Variants in RNPEP observed in about 807,000 individuals in gnomAD.
RNPEP encodes arginyl aminopeptidase, also known as aminopeptidase B.
RNPEP carries 57 observed loss-of-function variants against 70.1 expected under a neutral mutation model. That is an observed-to-expected ratio of 0.81 (90% CI 0.66 to 1.01). The LOEUF is 1.01. RNPEP is among the 50% of genes least tolerant of loss of function. The pLI, the probability that RNPEP is intolerant of heterozygous loss-of-function variation, is 0.00. For synonymous variants in RNPEP, 335 were observed against 357.4 expected (o/e 0.94, Z 0.71); for missense variants, 787 against 852.4 (o/e 0.92, Z 0.96).
intron 3 of RNPEP, among the ~76,000 whole-genome samples, chr1:201,994,515 A>G (rs887865995): frequency 2.0e-5 from 3 of 152,028 alleles, no homozygotes; most frequent in Non-Finnish European, 2.9e-5. Context: ...GCAGTGTTCC[A>G]TGGCTACGTC....
intron 3 of RNPEP, among the ~76,000 whole-genome samples, chr1:201,992,379 G>C (rs888741498): frequency 6.6e-6 from 1 of 152,096 alleles, no homozygotes; most frequent in Non-Finnish European, 1.5e-5. Context: ...CACTCTGTCA[G>C]CCACCCATAT....
intron 5 of RNPEP, among the ~76,000 whole-genome samples, chr1:201,997,999 G>A (rs1366727162): frequency 6.6e-6 from 1 of 152,086 alleles, no homozygotes; most frequent in Non-Finnish European, 1.5e-5. Context: ...ATGACCTCAG[G>A]TGATCCAACC....
intron 5 of RNPEP, 69 bp from the exon 6 acceptor site, chr1:201,999,833 C>T: frequency 8.1e-7 from 1 of 1,237,950 alleles, no homozygotes; most frequent in South Asian, 1.3e-5. Context: ...CACAGTGTCT[C>T]TGTCAGGAAA....
intron 6 of RNPEP, chr1:202,000,283 G>A: frequency 3.0e-6 from 1 of 338,848 alleles, no homozygotes; most frequent in Non-Finnish European, 5.5e-6. Context: ...GTTTTACCAG[G>A]CTCTTTCGCA....
Position 201,996,276 on chromosome 1 carries a change from A to G in RNPEP, c.854+13A>G, listed in dbSNP as rs749618834. The stretch of plus-strand genomic sequence containing the variant: ...ATGTTTGGGGAAGGTGTGGTATCAC[A>G]TTGACTCTAGTGTCTCCTGTTAAAC... On this transcript the variant is annotated intron_variant, in intron 4 of 10. Transcript: ENST00000295640. The G allele has an allele frequency of 6.5e-7, 1 of 1,542,110 alleles. No individual in the cohort carries two copies. Among genetic ancestry groups the G allele is most frequent in the East Asian group, 2.2e-5 (1 of 44,528 alleles).
At chr1:201,983,696 G>A in intron 1 of RNPEP, 1 of 1,169,880 alleles carries the variant, frequency 8.5e-7, no homozygotes, top group Non-Finnish European at 1.1e-6. Context: ...GTAAAAGTGA[G>A]AACTGGAATT....
chr1:201,988,803 A>G, intron 1 of RNPEP, 101 bp from the exon 2 acceptor site: 2 of 1,413,852 alleles, frequency 1.4e-6, no homozygotes, highest in Non-Finnish European at 1.9e-6. Context: ...AAAGGTTTTA[A>G]GGATTACCTA....
rs1558257963 is a variant in RNPEP at position 201,984,821 on chromosome 1, C to CTTTTTTCTTTTTCTT, written c.447+1714_447+1715insCTTTTTCTTTTTTTT. On this transcript the variant is annotated intron_variant, in intron 1 of 10. Coordinates refer to ENST00000295640, the MANE Select transcript of RNPEP (RefSeq NM_020216.4). ...TTACTGCTAACTTTTGTATTTCTTT[C>CTTTTTTCTTTTTCTT]TTTTTTTTTTTTTTTTTTTTTTTTT... 1.4e-4 allele frequency among the ~76,000 whole-genome samples: 17 copies of CTTTTTTCTTTTTCTT among 122,046 alleles called. 3 individuals carry two copies. Among genetic ancestry groups the CTTTTTTCTTTTTCTT allele is most frequent in the African/African-American group, 4.8e-4 (15 of 30,984 alleles). 80.1% of individuals were successfully genotyped at this position (122,046 alleles called of 152,430 possible). A position where few individuals can be genotyped will look rare whatever the true frequency, so the allele number is the denominator to read the frequency against.
At chr1:201,998,621 A>G (rs1683660396) in intron 5 of RNPEP, among the ~76,000 whole-genome samples, 3 of 152,176 alleles carry the variant, frequency 2.0e-5, no homozygotes, top group Admixed American at 2.0e-4. Context: ...CAAATTCTGT[A>G]CTTTCATTCA....
chr1:201,994,885 G>T (rs1349154682), intron 3 of RNPEP, among the ~76,000 whole-genome samples: 5 of 132,768 alleles, frequency 3.8e-5, no homozygotes, highest in Non-Finnish European at 7.7e-5. Context: ...TCACCATGTT[G>T]GTCAGGCTGG....
chr1:201,989,049 G>C lies in RNPEP; in HGVS notation c.588+5G>C, dbSNP rs748821361. On this transcript the variant is annotated splice_donor_5th_base_variant and intron_variant, in intron 2 of 10. Coordinates refer to ENST00000295640, the MANE Select transcript of RNPEP (RefSeq NM_020216.4). Reference sequence around the variant, plus strand: ...AAGTATTCAGCTCTTATTGAGGTAAGGAGACTAAGGTTAGGTGCACCTGCC... The same window carrying C: ...AAGTATTCAGCTCTTATTGAGGTAACGAGACTAAGGTTAGGTGCACCTGCC... The C allele has an allele frequency of 1.2e-6, 2 of 1,612,696 alleles. No individual in the cohort carries two copies. The highest frequency in any genetic ancestry group is 3.4e-5 in the Admixed American group (2 of 59,694).
chr1:202,004,782 G>A (rs548382756), intron 10 of RNPEP, among the ~76,000 whole-genome samples: 1 of 152,368 alleles, frequency 6.6e-6, no homozygotes, highest in Non-Finnish European at 1.5e-5. Flanking sequence ...GAAAGAGGGT[G>A]ACAGTGTCAT....
chr1:201,992,595 A>C (rs1683381508), intron 3 of RNPEP, among the ~76,000 whole-genome samples: 1 of 151,358 alleles, frequency 6.6e-6, no homozygotes, highest in East Asian at 1.9e-4. Context: ...CAAGCCACTC[A>C]TTTCTCCTGG....
intron 1 of RNPEP, among the ~76,000 whole-genome samples, chr1:201,985,723 A>C (rs1683110379): frequency 6.6e-6 from 1 of 152,230 alleles, no homozygotes; most frequent in Non-Finnish European, 1.5e-5. Context: ...ATTTTACATT[A>C]GTATAATAAT....
chr1:201,988,469 A>AC (rs1330987874), intron 1 of RNPEP, among the ~76,000 whole-genome samples: 1 of 151,266 alleles, frequency 6.6e-6, no homozygotes, highest in Non-Finnish European at 1.5e-5. Context: ...AAAAAAAAAA[A>AC]AAAAAAAAAA....
At chr1:201,992,274 C>T (rs1683365084) in intron 3 of RNPEP, among the ~76,000 whole-genome samples, 1 of 152,028 alleles carries the variant, frequency 6.6e-6, no homozygotes, top group Non-Finnish European at 1.5e-5. Context: ...CTCAAGAGAT[C>T]CTCCCACCTC....
chr1:201,992,964 A>C (rs1683395127), intron 3 of RNPEP, among the ~76,000 whole-genome samples: 1 of 151,568 alleles, frequency 6.6e-6, no homozygotes, highest in Non-Finnish European at 1.5e-5. Context: ...TTTCCATCTC[A>C]CTCCCTTTAA....
chr1:201,990,418 A>ATCAAG (rs1553303896), intron 3 of RNPEP, among the ~76,000 whole-genome samples: 1 of 152,226 alleles, frequency 6.6e-6, no homozygotes, highest in African/African-American at 2.4e-5. Flanking sequence ...GTTTCCTGAT[A>ATCAAG]AAAGAGGTTT....
intron 1 of RNPEP, among the ~76,000 whole-genome samples, chr1:201,987,459 G>A (rs1166541992): frequency 8.0e-6 from 1 of 124,482 alleles, no homozygotes; most frequent in African/African-American, 3.1e-5. Flanking sequence ...TTTTTTTGAG[G>A]CAGAGTCTCG....
Sources: gnomAD v4.1 joint callset for allele counts (sites outside exome capture counted in the v4.1 genomes callset) on GRCh38, gnomAD v4.1.1 for gene constraint, MANE v1.5 for transcripts, NCBI Gene and HGNC (gene_info 2026-07-23, HGNC 2026-07-21) for gene names.